The following ELOVL2 variants were observed in gnomAD, a reference collection of about 807,000 sequenced individuals.
The protein encoded by ELOVL2 is very long chain fatty acid elongase 2.
Under a neutral mutation model 37.7 loss-of-function variants are expected in ELOVL2, and 38 were observed. The ratio of observed to expected loss-of-function variants is 1.01; its 90% CI spans 0.78 to 1.32. The LOEUF (loss-of-function observed/expected upper bound fraction) is 1.32, where lower values mean the gene tolerates loss of function less well. ELOVL2 is among the 40% of genes most tolerant of loss of function. The pLI is 0.00. For missense variants in ELOVL2, 352 were observed against 363.6 expected (o/e 0.97, Z 0.26); for synonymous variants, 115 against 122.3 (o/e 0.94, Z 0.40).
At chr6:11,004,301 A>G (rs1782442538) in intron 3 of ELOVL2, among the ~76,000 whole-genome samples, 1 of 152,114 alleles carries the variant, frequency 6.6e-6, no homozygotes. Context: ...AGAACTCAAG[A>G]TCACCAGAAA....
At chr6:11,027,145 C>A (rs947761163) in intron 1 of ELOVL2, among the ~76,000 whole-genome samples, 9 of 152,162 alleles carry the variant, frequency 5.9e-5, no homozygotes, top group Non-Finnish European at 8.8e-5. Context: ...ATGCTTCTCA[C>A]TTCTTAAGCT....
intron 5 of ELOVL2, 73 bp from the exon 6 acceptor site, chr6:10,990,515 C>T: frequency 6.3e-6 from 9 of 1,423,590 alleles, no homozygotes; most frequent in Non-Finnish European, 3.8e-6. Flanking sequence ...AAGTGAGATT[C>T]TCTCTCTGCA....
At chr6:10,990,725 C>CTA (rs1782145243) in intron 5 of ELOVL2, among the ~76,000 whole-genome samples, 1 of 150,742 alleles carries the variant, frequency 6.6e-6, no homozygotes, top group Admixed American at 6.6e-5. Flanking sequence ...GTCTCTTTAA[C>CTA]CGTCACTACT....
rs371321909 is a variant in ELOVL2, at chr6:11,033,254, G to A, written c.3+10974C>T. Among the ~76,000 whole-genome samples the A allele has an allele frequency of 9.9e-4, 150 of 152,112 alleles. 4 individuals are homozygous for A. In the South Asian group the frequency reaches 0.03, roughly 31 times the overall value. ...AATTTTTACTATTTCCAAACTGACCGAGAAAAAGTTAAAAAAGAAGTTATG... is the reference window on the plus strand; with the variant it reads ...AATTTTTACTATTTCCAAACTGACCAAGAAAAAGTTAAAAAAGAAGTTATG... On this transcript the variant is annotated intron_variant, in intron 1 of 7. Coordinates refer to ENST00000354666, the MANE Select transcript of ELOVL2 (RefSeq NM_017770.4).
chr6:10,996,098 A>G (rs1036982869), intron 4 of ELOVL2, among the ~76,000 whole-genome samples: 1 of 150,314 alleles, frequency 6.7e-6, no homozygotes, highest in Non-Finnish European at 1.5e-5. Flanking sequence ...TCTTTAGTTA[A>G]AGGCACTGTG....
At chr6:10,994,952 C>A (rs1006760466) in intron 5 of ELOVL2, 55 bp downstream of exon 5, 2 of 1,377,378 alleles carry the variant, frequency 1.5e-6, no homozygotes, top group Non-Finnish European at 2.0e-6. Flanking sequence ...CAAGACAGCA[C>A]CAGTGGTCTC....
intron 3 of ELOVL2, 33 bp downstream of exon 3, chr6:11,005,339 C>T: frequency 6.3e-7 from 1 of 1,584,116 alleles, no homozygotes. Flanking sequence ...CTGCTAGTTA[C>T]TGGACTTCAG....
chr6:11,026,093 C>T (rs1782834975), intron 1 of ELOVL2, among the ~76,000 whole-genome samples: 1 of 152,178 alleles, frequency 6.6e-6, no homozygotes. Context: ...GCAGCGACTG[C>T]AAGAGCCAGT....
At position 11,005,597 on chromosome 6, in the gene ELOVL2, G is replaced by A. The variant is rs757598352; in HGVS notation, c.68-38C>T. ...ACATACAGTGAGGATCCTGAGGAATGATGCTCCTGTTTAGTCATCAGTATT... is the reference window on the plus strand; with the variant it reads ...ACATACAGTGAGGATCCTGAGGAATAATGCTCCTGTTTAGTCATCAGTATT... On this transcript the variant is annotated intron_variant, in intron 2 of 7. Coordinates refer to ENST00000354666, the MANE Select transcript of ELOVL2 (RefSeq NM_017770.4). 3 of 1,560,838 alleles carry A rather than the reference G, an allele frequency of 1.9e-6. No individual in the cohort carries two copies. The East Asian group carries it at 6.9e-5, about 36-fold the overall frequency.
At chr6:11,036,252 G>A (rs994807045) in intron 1 of ELOVL2, among the ~76,000 whole-genome samples, 1 of 152,180 alleles carries the variant, frequency 6.6e-6, no homozygotes, top group African/African-American at 2.4e-5. Context: ...AGTAGCAGTG[G>A]CAGGACTTTA....
chr6:11,028,312 AG>A (rs1782867799), intron 1 of ELOVL2, among the ~76,000 whole-genome samples: 1 of 152,190 alleles, frequency 6.6e-6, no homozygotes, highest in African/African-American at 2.4e-5. Context: ...GTGGCTGGGA[AG>A]GTAAGCCATT....
chr6:10,995,267 T>C (rs970610777), intron 4 of ELOVL2, 89 bp from the exon 5 acceptor site: 24 of 996,654 alleles, frequency 2.4e-5, no homozygotes, highest in Admixed American at 7.1e-5. Flanking sequence ...CTGCTGCCTG[T>C]GGTTTCCTGC....
chr6:11,044,024 G>A lies in ELOVL2; in HGVS notation c.3+204C>T, dbSNP rs1181500306. 3.3e-5 allele frequency among the ~76,000 whole-genome samples: 5 copies of A among 151,458 alleles called. No homozygotes were observed. The highest frequency in any genetic ancestry group is 1.5e-5 in the Non-Finnish European group (1 of 67,774). ...AAGTTCCCGAGACCCGCGGGCCTCG[G>A]GCCGACCCGCGCGCCCCCGGCCCAA... On this transcript the variant is annotated intron_variant, in intron 1 of 7. Coordinates refer to ENST00000354666, the MANE Select transcript of ELOVL2 (RefSeq NM_017770.4). This position sits in a 1 kb window ranked among gnomAD's most constrained non-coding sequence, Gnocchi z 5.6.
rs1783165815 is a variant in ELOVL2 at position 11,044,097 on chromosome 6, G to A, written c.3+131C>T. The A allele has an allele frequency of 8.4e-7, 1 of 1,193,358 alleles. No individual in the cohort carries two copies. Among genetic ancestry groups the A allele is most frequent in the African/African-American group, 1.6e-5 (1 of 61,416 alleles). 73.9% of individuals were successfully genotyped at this position (1,193,358 alleles called of 1,614,324 possible). The stretch of plus-strand genomic sequence containing the variant: ...GCCCGCGCGGACCCGGCCCCTCCGA[G>A]GGTAGCGGGTTCCAGCGGCGAACCC... On this transcript the variant is annotated intron_variant, in intron 1 of 7. Transcript: ENST00000354666. This position sits in a 1 kb window ranked among gnomAD's most constrained non-coding sequence, Gnocchi z 5.6.
At chr6:11,031,801 T>C (rs1006559589) in intron 1 of ELOVL2, among the ~76,000 whole-genome samples, 4 of 152,178 alleles carry the variant, frequency 2.6e-5, no homozygotes, top group Non-Finnish European at 5.9e-5. Context: ...TTTCTTTAGG[T>C]TTTTAAATGA....
intron 1 of ELOVL2, among the ~76,000 whole-genome samples, chr6:11,023,835 G>A (rs1782803145): frequency 6.6e-6 from 1 of 152,168 alleles, no homozygotes; most frequent in Non-Finnish European, 1.5e-5. Context: ...GTACCATTAG[G>A]AGGAAAATAA....
intron 1 of ELOVL2, among the ~76,000 whole-genome samples, chr6:11,027,412 CGG>C (rs1561726755): frequency 6.6e-5 from 10 of 152,064 alleles, no homozygotes; most frequent in Non-Finnish European, 1.2e-4. Context: ...CACCCAAAGC[CGG>C]AAATAATTGG....
chr6:11,024,872 C>A (rs1356704872), intron 1 of ELOVL2, among the ~76,000 whole-genome samples: 1 of 152,126 alleles, frequency 6.6e-6, no homozygotes, highest in South Asian at 2.1e-4. Context: ...CTAACCTCAA[C>A]GGACAAATTT....
At chr6:11,022,398 G>A (rs1782777141) in intron 1 of ELOVL2, among the ~76,000 whole-genome samples, 1 of 152,170 alleles carries the variant, frequency 6.6e-6, no homozygotes, top group African/African-American at 2.4e-5. Flanking sequence ...CCAGCAGAGA[G>A]GGGCCTGAGC....
Sources: gnomAD v4.1 joint callset for allele counts (sites outside exome capture counted in the v4.1 genomes callset) on GRCh38, gnomAD v4.1.1 for gene constraint, Gnocchi (gnomAD v3.1) non-coding constraint, MANE v1.5 for transcripts, NCBI Gene and HGNC (gene_info 2026-07-23, HGNC 2026-07-21) for gene names.